Variants in CLASP2 observed in about 807,000 individuals in gnomAD.
CLASP2 encodes CLIP-associating protein 2.
CLASP2 carries 47 observed loss-of-function variants against 194.4 expected under a neutral mutation model. That is an observed-to-expected ratio of 0.24 (90% CI 0.19 to 0.31). The LOEUF (loss-of-function observed/expected upper bound fraction) is 0.31, where lower values mean the gene tolerates loss of function less well. CLASP2 is among the 10% of genes least tolerant of loss of function. The probability of loss-of-function intolerance (pLI) is 1.00; values close to 1 mark genes in which losing one functional copy is unlikely to be tolerated. For synonymous variants in CLASP2, 619 were observed against 633.5 expected, an observed-to-expected ratio of 0.98 and a Z score of 0.34; for missense variants, 1,445 against 1,823.6, an observed-to-expected ratio of 0.79 and a Z score of 3.78.
chr3:33,694,304 A>C (rs933210335), intron 2 of CLASP2, among the ~76,000 whole-genome samples: 10 of 152,242 alleles, frequency 6.6e-5, no homozygotes, highest in African/African-American at 2.2e-4. Context: ...TTGGGAGTCA[A>C]ACTAGAATTC....
intron 16 of CLASP2, among the ~76,000 whole-genome samples, 191 bp from the exon 17 acceptor site, chr3:33,604,400 C>CT (rs1405338177): frequency 1.1e-4 from 17 of 150,706 alleles, no homozygotes; most frequent in Admixed American, 4.6e-4. Flanking sequence ...TCACTGCAGT[C>CT]TTGACTTCCC....
chr3:33,624,219 G>C (rs1010085232), intron 10 of CLASP2, among the ~76,000 whole-genome samples: 29 of 151,784 alleles, frequency 1.9e-4, no homozygotes, highest in African/African-American at 7.0e-4. Context: ...TTTAACTCGA[G>C]GTTTTCTAAA....
chr3:33,653,541 A>T (rs570118426), intron 7 of CLASP2, among the ~76,000 whole-genome samples: 1 of 147,894 alleles, frequency 6.8e-6, no homozygotes, highest in Non-Finnish European at 1.5e-5. Flanking sequence ...CTGTAAAAAG[A>T]TATTTATAAA....
Position 33,680,946 on chromosome 3 carries a change from G to A in CLASP2, c.644+3413C>T, listed in dbSNP as rs539383382. 3.0e-3 allele frequency among the ~76,000 whole-genome samples: 461 copies of A among 151,994 alleles called. 2 individuals are homozygous for A. The highest frequency in any genetic ancestry group is 5.9e-3 in the Non-Finnish European group (402 of 67,964). On this transcript the variant is annotated intron_variant, in intron 6 of 38. Transcript: ENST00000682230. ...TTGAGAACAGCCTGACCAACATGGC[G>A]AAACCCCGTCTCTACTAAGAATACA...
In CLASP2 at chr3:33,712,918, A is replaced by G. The variant is rs534744396; in HGVS notation, c.195+4890T>C. On this transcript the variant is annotated intron_variant, in intron 1 of 38. Coordinates refer to ENST00000682230, the MANE Select transcript of CLASP2 (RefSeq NM_001365631.1). ...TGGAGGTTGCAGTGTGCTGAGATCCATTGCACTCCAGCCTGGGCGACAAGA... is the reference window on the plus strand; with the variant it reads ...TGGAGGTTGCAGTGTGCTGAGATCCGTTGCACTCCAGCCTGGGCGACAAGA... 2.1e-3 allele frequency among the ~76,000 whole-genome samples: 310 copies of G among 149,768 alleles called. 1 individual carries two copies. Among genetic ancestry groups the G allele is most frequent in the African/African-American group, 7.0e-3 (288 of 40,886 alleles).
At chr3:33,695,938 T>C (rs941438053) in intron 2 of CLASP2, among the ~76,000 whole-genome samples, 2 of 152,200 alleles carry the variant, frequency 1.3e-5, no homozygotes, top group African/African-American at 2.4e-5. Context: ...AGAGCCAACT[T>C]TGTAATCCTA....
At chr3:33,617,093 A>G (rs2076326237) in intron 12 of CLASP2, among the ~76,000 whole-genome samples, 1 of 151,890 alleles carries the variant, frequency 6.6e-6, no homozygotes, top group Admixed American at 6.6e-5. Context: ...TTAAAAAAAA[A>G]AAAAGCCTGA....
chr3:33,655,966 T>C (rs1218754449), intron 7 of CLASP2, among the ~76,000 whole-genome samples: 1 of 152,162 alleles, frequency 6.6e-6, no homozygotes, highest in Non-Finnish European at 1.5e-5. Context: ...AAAGGCCAAA[T>C]TCCTCTTGCC....
chr3:33,600,363 C>T (rs144620410), intron 18 of CLASP2, among the ~76,000 whole-genome samples: 15 of 152,208 alleles, frequency 9.9e-5, no homozygotes, highest in African/African-American at 3.4e-4. Context: ...TTCAGATTCT[C>T]TTTATCAGGT....
intron 7 of CLASP2, among the ~76,000 whole-genome samples, chr3:33,646,074 C>T (rs2082237372): frequency 6.6e-6 from 1 of 151,966 alleles, no homozygotes; most frequent in Admixed American, 6.6e-5. Flanking sequence ...GCAGCTTTAC[C>T]ACACGCTTCA....
In CLASP2 at chr3:33,535,464, A is replaced by G. The variant is rs751263342; in HGVS notation, c.3559-3T>C. 1 of 1,608,688 alleles carries G rather than the reference A, an allele frequency of 6.2e-7. No homozygotes were observed. The highest frequency in any genetic ancestry group is 1.1e-5 in the South Asian group (1 of 90,550). On this transcript the variant is annotated splice_region_variant and splice_polypyrimidine_tract_variant and intron_variant, in intron 33 of 38. Transcript: ENST00000682230. The stretch of plus-strand genomic sequence containing the variant: ...GACATCCCAGGACCACCACACATCT[A>G]TCAATGGGAAGTGAAAGCCACAGCA...
At position 33,708,528 on chromosome 3, in the gene CLASP2, A is replaced by ATATG. The variant is rs2092829115; in HGVS notation, c.195+9279_195+9280insCATA. On this transcript the variant is annotated intron_variant, in intron 1 of 38. Coordinates refer to ENST00000682230, the MANE Select transcript of CLASP2 (RefSeq NM_001365631.1). Reference sequence around the variant, plus strand: ...TATGTATATATATGTATATATGTATATATATATGTATATATGTATATATAT... The same window carrying ATATG: ...TATGTATATATATGTATATATGTATATATGTATATATGTATATATGTATATATAT... 5.6e-5 allele frequency among the ~76,000 whole-genome samples: 4 copies of ATATG among 71,592 alleles called. No individual in the cohort carries two copies. The Admixed American group carries it at 8.8e-4, about 16-fold the overall frequency. 47.0% of individuals were successfully genotyped at this position (71,592 alleles called of 152,430 possible). A position where few individuals can be genotyped will look rare whatever the true frequency, so the allele number is the denominator to read the frequency against.
At chr3:33,518,925 A>T (rs1015567253) in intron 34 of CLASP2, among the ~76,000 whole-genome samples, 3 of 152,214 alleles carry the variant, frequency 2.0e-5, no homozygotes, top group Admixed American at 1.3e-4. Flanking sequence ...GAGCAGCACC[A>T]TGGTCAAGTG....
intron 6 of CLASP2, among the ~76,000 whole-genome samples, chr3:33,670,935 T>C (rs578258608): frequency 1.3e-5 from 2 of 152,288 alleles, no homozygotes; most frequent in African/African-American, 4.8e-5. Flanking sequence ...TCCTTAACAA[T>C]GTCTGACCTT....
chr3:33,536,469 A>T (rs952590573), intron 33 of CLASP2, among the ~76,000 whole-genome samples: 1 of 152,318 alleles, frequency 6.6e-6, no homozygotes, highest in African/African-American at 2.4e-5. Flanking sequence ...CAGCCAATAC[A>T]CAGATCCTGA....
intron 36 of CLASP2, among the ~76,000 whole-genome samples, chr3:33,511,086 G>A (rs902510375): frequency 1.4e-5 from 2 of 147,672 alleles, no homozygotes; most frequent in African/African-American, 5.0e-5. Context: ...AGGAAGGAGT[G>A]CAGTGGCTTG....
At chr3:33,536,997 GA>G (rs1257462116) in intron 33 of CLASP2, among the ~76,000 whole-genome samples, 1 of 152,214 alleles carries the variant, frequency 6.6e-6, no homozygotes, top group Admixed American at 6.5e-5. Context: ...GGTCTGAGCT[GA>G]ATAGAGTCAT....
intron 34 of CLASP2, among the ~76,000 whole-genome samples, chr3:33,520,145 C>T (rs1407290847): frequency 1.3e-5 from 2 of 152,152 alleles, no homozygotes; most frequent in South Asian, 2.1e-4. Context: ...TCCCAAGTAG[C>T]TGGAATTACA....
intron 10 of CLASP2, among the ~76,000 whole-genome samples, chr3:33,622,967 C>T (rs1001644469): frequency 3.3e-5 from 5 of 151,944 alleles, no homozygotes; most frequent in African/African-American, 1.2e-4. Flanking sequence ...TGCCACCGTG[C>T]CTGGATAATT....
Sources: allele counts gnomAD v4.1 joint callset (sites outside exome capture counted in the v4.1 genomes callset), GRCh38; gene constraint gnomAD v4.1.1; transcripts MANE v1.5; gene names NCBI Gene and HGNC (gene_info 2026-07-23, HGNC 2026-07-21).